The following NOX4 variants were observed in gnomAD, a reference collection of about 807,000 sequenced individuals.
NOX4 encodes the protein kidney oxidase-1.
NOX4 carries 69 observed loss-of-function variants against 87.6 expected under a neutral mutation model. The observed-to-expected ratio is 0.79, with a 90% CI of 0.65 to 0.96. The LOEUF (loss-of-function observed/expected upper bound fraction) is 0.96, where lower values mean the gene tolerates loss of function less well. NOX4 is among the 40% of genes least tolerant of loss of function. The pLI, the probability that NOX4 is intolerant of heterozygous loss-of-function variation, is 0.00. For missense variants in NOX4, 680 were observed against 681.5 expected, an observed-to-expected ratio of 1.00 and a Z score of 0.02; for synonymous variants, 275 against 238.2, an observed-to-expected ratio of 1.15 and a Z score of -1.42.
chr11:89,551,366 G>A, the NOX4 span, among the ~76,000 whole-genome samples: 4 of 152,102 alleles, frequency 2.6e-5, no homozygotes, highest in Non-Finnish European at 5.9e-5. Context: ...GATGGGGATA[G>A]CATTGAATCT....
the NOX4 span, among the ~76,000 whole-genome samples, chr11:89,565,338 A>C: frequency 6.6e-6 from 1 of 152,228 alleles, no homozygotes; most frequent in South Asian, 2.1e-4. Flanking sequence ...GTTTTGATGT[A>C]TTACCTTGCA....
chr11:89,405,328 A>G (rs1390882229), intron 8 of NOX4, among the ~76,000 whole-genome samples: 1 of 152,032 alleles, frequency 6.6e-6, no homozygotes, highest in African/African-American at 2.4e-5. Context: ...GTATTATTCT[A>G]AAATTCCTTT....
intron 13 of NOX4, among the ~76,000 whole-genome samples, chr11:89,348,629 G>A (rs1946318891): frequency 6.6e-6 from 1 of 151,966 alleles, no homozygotes; most frequent in Admixed American, 6.5e-5. Flanking sequence ...AAGACAAAGG[G>A]TATTCTAGGC....
intron 13 of NOX4, among the ~76,000 whole-genome samples, chr11:89,351,882 T>A (rs756650166): frequency 4.5e-4 from 69 of 152,216 alleles, no homozygotes; most frequent in Non-Finnish European, 8.1e-4. Flanking sequence ...GATGACTGGA[T>A]AAAGAAAATA....
At chr11:89,428,493 AGGC>A (rs1278559106) in intron 7 of NOX4, among the ~76,000 whole-genome samples, 4 of 152,076 alleles carry the variant, frequency 2.6e-5, no homozygotes, top group Non-Finnish European at 5.9e-5. Context: ...AGACACACAT[AGGC>A]TCAAAATAAA....
chr11:89,404,169 A>G (rs1210831659), intron 8 of NOX4, among the ~76,000 whole-genome samples: 1 of 152,154 alleles, frequency 6.6e-6, no homozygotes, highest in Non-Finnish European at 1.5e-5. Context: ...ACCCAATACA[A>G]TTGCTGGGAT....
the NOX4 span, among the ~76,000 whole-genome samples, chr11:89,572,094 T>C: frequency 6.6e-6 from 1 of 152,202 alleles, no homozygotes; most frequent in Admixed American, 6.5e-5. Flanking sequence ...CACATATTAA[T>C]TGATGTCTCA....
intron 17 of NOX4, among the ~76,000 whole-genome samples, chr11:89,334,614 T>A (rs1420884172): frequency 6.6e-6 from 1 of 151,744 alleles, no homozygotes; most frequent in Non-Finnish European, 1.5e-5. Context: ...AAAATATCCA[T>A]TTAATAAGCT....
the NOX4 span, among the ~76,000 whole-genome samples, chr11:89,506,303 G>GAGAAAGAGAA: frequency 9.3e-5 from 13 of 139,966 alleles, no homozygotes; most frequent in Middle Eastern, 3.8e-3. Context: ...AAGAAAGAAA[G>GAGAAAGAGAA]AGAGAGAAAG....
At chr11:89,426,386 G>T (rs953940104) in intron 7 of NOX4, among the ~76,000 whole-genome samples, 1 of 151,984 alleles carries the variant, frequency 6.6e-6, no homozygotes, top group South Asian at 2.1e-4. Flanking sequence ...CAGGACAGTG[G>T]GTACAGCCCA....
intron 2 of NOX4, among the ~76,000 whole-genome samples, chr11:89,467,349 C>CAAAAAAAAAAAAAAAAAAAAAAA (rs71052233): frequency 3.3e-5 from 2 of 61,424 alleles, no homozygotes; most frequent in Admixed American, 2.3e-4. Context: ...AAACTCGTCA[C>CAAAAAAAAAAAAAAAAAAAAAAA]AAAAAAAAAA....
intron 17 of NOX4, among the ~76,000 whole-genome samples, chr11:89,335,247 T>C (rs1945651203): frequency 6.6e-6 from 1 of 151,810 alleles, no homozygotes; most frequent in Non-Finnish European, 1.5e-5. Flanking sequence ...GGCTGGTCTG[T>C]GCCCTGAAAT....
At chr11:89,549,475 C>G in the NOX4 span, among the ~76,000 whole-genome samples, 2 of 152,056 alleles carry the variant, frequency 1.3e-5, no homozygotes, top group African/African-American at 2.4e-5. Context: ...AAAGACAATC[C>G]ATAACAATAA....
intron 3 of NOX4, among the ~76,000 whole-genome samples, chr11:89,450,119 G>A (rs1373016894): frequency 6.6e-6 from 1 of 152,120 alleles, no homozygotes; most frequent in East Asian, 1.9e-4. Context: ...GAGAGACTTA[G>A]GTGGGAACTT....
intron 2 of NOX4, among the ~76,000 whole-genome samples, chr11:89,479,201 A>G (rs565647730): frequency 6.6e-6 from 1 of 152,274 alleles, no homozygotes; most frequent in Admixed American, 6.5e-5. Flanking sequence ...TTTATTCAGT[A>G]TAAGATGCTA....
At chr11:89,489,865 A>G (rs1946783236) in intron 2 of NOX4, among the ~76,000 whole-genome samples, 1 of 152,212 alleles carries the variant, frequency 6.6e-6, no homozygotes, top group Non-Finnish European at 1.5e-5. Flanking sequence ...GAAATCAGAA[A>G]CATCATAGAA....
At chr11:89,444,550 C>T (rs1464839689) in intron 4 of NOX4, among the ~76,000 whole-genome samples, 1 of 139,800 alleles carries the variant, frequency 7.2e-6, no homozygotes, top group African/African-American at 2.8e-5. Context: ...CACACACACA[C>T]ATAAATATGC....
At chr11:89,534,408 C>T in the NOX4 span, among the ~76,000 whole-genome samples, 1 of 152,244 alleles carries the variant, frequency 6.6e-6, no homozygotes, top group South Asian at 2.1e-4. Flanking sequence ...GATCTATAGG[C>T]TTGACCCTTG....
intron 13 of NOX4, among the ~76,000 whole-genome samples, chr11:89,348,251 C>T (rs1359524037): frequency 6.6e-6 from 1 of 151,984 alleles, no homozygotes; most frequent in Non-Finnish European, 1.5e-5. Context: ...CTTGTCTCTA[C>T]TAAAAACGCA....
Sources: gnomAD v4.1 joint callset for allele counts (sites outside exome capture counted in the v4.1 genomes callset) on GRCh38, gnomAD v4.1.1 for gene constraint, MANE v1.5 for transcripts, NCBI Gene and HGNC (gene_info 2026-07-23, HGNC 2026-07-21) for gene names.